DNAH14: variants seen among roughly 807,000 people sequenced by gnomAD.
DNAH14 encodes the protein axonemal beta dynein heavy chain 14.
Under a neutral mutation model 520.9 loss-of-function variants are expected in DNAH14, and 478 were observed. That is an observed-to-expected ratio of 0.92 (90% CI 0.85 to 0.99). The LOEUF is 0.99. Among genes scored for constraint, DNAH14 ranks in the 50% least tolerant of loss-of-function variants. The pLI, the probability that DNAH14 is intolerant of heterozygous loss-of-function variation, is 0.00. For synonymous variants in DNAH14, 1,581 were observed against 1,757.2 expected, an observed-to-expected ratio of 0.90 and a Z score of 2.51; for missense variants, 4,831 against 5,234.5, an observed-to-expected ratio of 0.92 and a Z score of 2.38.
intron 66 of DNAH14, among the ~76,000 whole-genome samples, chr1:225,333,795 C>T (rs1469923764): frequency 6.6e-6 from 1 of 152,114 alleles, no homozygotes; most frequent in Non-Finnish European, 1.5e-5. Flanking sequence ...CTCCCTGAAA[C>T]CTCTTTCATT....
chr1:225,324,802 A>T lies in DNAH14; in HGVS notation c.9693A>T (p.Arg3231Ser), dbSNP rs1461885194. The change falls in exon 64 of 86, where the codon AGA becomes AGT. Residue 3231 changes from arginine to serine, a missense_variant. Coordinates refer to ENST00000682510, the MANE Select transcript of DNAH14 (RefSeq NM_001367479.1). ...AQNVLKIARQ[R>S]LAEKQRGLQL... ...ACGTCCTTAAAATTGCGCGACAAAGACTTGCTGAGAAACAAAGAGGTTTAC... is the reference window on the plus strand; with the variant it reads ...ACGTCCTTAAAATTGCGCGACAAAGTCTTGCTGAGAAACAAAGAGGTTTAC... 7.1e-6 allele frequency: 11 copies of T among 1,551,442 alleles called. No individual in the cohort carries two copies. Among genetic ancestry groups the T allele is most frequent in the Non-Finnish European group, 6.1e-6 (7 of 1,146,936 alleles).
In DNAH14 at chr1:225,205,537, T is replaced by C. The variant is rs1288734221; in HGVS notation, c.5978-434T>C. 2.6e-5 allele frequency among the ~76,000 whole-genome samples: 4 copies of C among 152,180 alleles called. No individual in the cohort carries two copies. In the South Asian group the frequency reaches 8.3e-4, roughly 31 times the overall value. ...AACACCCTGTGGAAAGAGGAGTAAA[T>C]GGGTTCCAAATATAGTATACTTTAA... On this transcript the variant is annotated intron_variant, in intron 39 of 85. Coordinates refer to ENST00000682510, the MANE Select transcript of DNAH14 (RefSeq NM_001367479.1).
At chr1:224,987,661 C>T (rs562509675) in intron 8 of DNAH14, among the ~76,000 whole-genome samples, 1 of 152,286 alleles carries the variant, frequency 6.6e-6, no homozygotes, top group East Asian at 1.9e-4. Context: ...GAGTCTTGCA[C>T]TGTCACCCGG....
At chr1:225,287,759 A>T (rs1204570240) in intron 54 of DNAH14, among the ~76,000 whole-genome samples, 1 of 152,130 alleles carries the variant, frequency 6.6e-6, no homozygotes, top group Non-Finnish European at 1.5e-5. Flanking sequence ...TAGGACTGGG[A>T]CAGGAAATAT....
At chr1:225,349,935 A>G (rs565118427) in intron 71 of DNAH14, among the ~76,000 whole-genome samples, 1 of 152,288 alleles carries the variant, frequency 6.6e-6, no homozygotes, top group Admixed American at 6.5e-5. Flanking sequence ...GCACAACACT[A>G]TAGATCAACT....
intron 8 of DNAH14, among the ~76,000 whole-genome samples, chr1:224,992,439 A>T (rs1280797500): frequency 4.6e-5 from 7 of 152,024 alleles, no homozygotes; most frequent in Non-Finnish European, 1.5e-5. Flanking sequence ...CACCTCATTG[A>T]TTAAATTTAT....
At chr1:225,129,690 C>T (rs374511143) in intron 27 of DNAH14, among the ~76,000 whole-genome samples, 74 of 151,430 alleles carry the variant, frequency 4.9e-4, no homozygotes, top group East Asian at 3.9e-3. Context: ...AAGACTTAAA[C>T]GTTAGACCTA....
At chr1:225,129,955 C>T (rs2078206750) in intron 27 of DNAH14, among the ~76,000 whole-genome samples, 2 of 152,230 alleles carry the variant, frequency 1.3e-5, no homozygotes, top group East Asian at 1.9e-4. Context: ...CTACAATGAA[C>T]TCAAACAAAT....
chr1:224,991,219 C>A (rs1399240871), intron 8 of DNAH14, among the ~76,000 whole-genome samples: 1 of 149,182 alleles, frequency 6.7e-6, no homozygotes, highest in Admixed American at 6.7e-5. Context: ...CTCAGCCTCC[C>A]AAGTAGCAGG....
intron 60 of DNAH14, among the ~76,000 whole-genome samples, chr1:225,316,914 A>G (rs1292575523): frequency 1.3e-5 from 2 of 152,218 alleles, no homozygotes; most frequent in African/African-American, 4.8e-5. Flanking sequence ...TTTCCTAAAA[A>G]ATCTTTGGCA....
Position 225,245,871 on chromosome 1 carries a change from T to G in DNAH14, c.6748+5049T>G, listed in dbSNP as rs1574265664. Among the ~76,000 whole-genome samples the G allele has an allele frequency of 2.0e-5, 3 of 152,174 alleles. No homozygotes were observed. In the East Asian group the frequency reaches 5.8e-4, roughly 29 times the overall value. On this transcript the variant is annotated intron_variant, in intron 43 of 85. Transcript: ENST00000682510. ...CTTTCTTCACAGAATTAGGAAAAAC[T>G]ACTTTAAATTTCATATGGAACCAAA... is the stretch of plus-strand genomic sequence containing the variant.
At position 225,367,988 on chromosome 1, in the gene DNAH14, T is replaced by C. The variant is rs1386491703; in HGVS notation, c.12274T>C (p.Leu4092=). The C allele has an allele frequency of 6.4e-7, 1 of 1,550,824 alleles. No homozygotes were observed. Among genetic ancestry groups the C allele is most frequent in the East Asian group, 2.4e-5 (1 of 40,930 alleles). ...CAATGAAAGAAAAAATTACGGAATA[T>C]TGGGCTGGAATATTGCTTATAAATT... ...VINERKNYGI[L]GWNIAYKFNS... The change falls in exon 77 of 86, where the codon TTG becomes CTG. Residue 4092 remains leucine, a synonymous_variant. Coordinates refer to ENST00000682510, the MANE Select transcript of DNAH14 (RefSeq NM_001367479.1).
intron 8 of DNAH14, among the ~76,000 whole-genome samples, chr1:224,975,500 T>G (rs927631426): frequency 6.6e-6 from 1 of 152,118 alleles, no homozygotes; most frequent in African/African-American, 2.4e-5. Context: ...CTAGATTTTC[T>G]AGTTTATTTG....
In DNAH14 at chr1:224,947,538, T is replaced by G. The variant is rs768908188; in HGVS notation, c.-33-5132T>G. Among the ~76,000 whole-genome samples, 5 of 152,268 alleles carry G rather than the reference T, an allele frequency of 3.3e-5. No individual in the cohort carries two copies. In the South Asian group the frequency reaches 1.0e-3, roughly 32 times the overall value. On this transcript the variant is annotated intron_variant, in intron 1 of 85. Transcript: ENST00000682510. ...ATTTTGCTCTTTTGATCCTCTTGAT[T>G]GAGGTTTATTTTCTATTTTTAAACA...
chr1:225,105,308 A>G (rs1250047404), intron 23 of DNAH14, among the ~76,000 whole-genome samples: 2 of 152,104 alleles, frequency 1.3e-5, no homozygotes, highest in East Asian at 1.9e-4. Context: ...ACTTCCAACT[A>G]TGTGGTCAAT....
At chr1:225,030,476 A>T (rs1054325465) in intron 11 of DNAH14, among the ~76,000 whole-genome samples, 1 of 151,758 alleles carries the variant, frequency 6.6e-6, no homozygotes, top group Non-Finnish European at 1.5e-5. Context: ...AGCATGATGA[A>T]TTTTTCCAAT....
At chr1:225,152,188 TC>T in intron 32 of DNAH14, 115 bp downstream of exon 32, 1 of 849,546 alleles carries the variant, frequency 1.2e-6, no homozygotes, top group Non-Finnish European at 1.8e-6. Context: ...GTCTCCACCA[TC>T]CTCTGAACAC....
chr1:225,130,234 G>A (rs905858204), intron 27 of DNAH14, among the ~76,000 whole-genome samples: 25 of 152,278 alleles, frequency 1.6e-4, no homozygotes, highest in African/African-American at 5.8e-4. Flanking sequence ...CTGTAAACTA[G>A]TTCAATCATT....
Position 225,307,476 on chromosome 1 carries a change from G to A in DNAH14, c.9021G>A (p.Met3007Ile). 6.5e-7 allele frequency: 1 copy of A among 1,542,580 alleles called. No individual in the cohort carries two copies. The highest frequency in any genetic ancestry group is 1.7e-4 in the Middle Eastern group (1 of 5,964). The change falls in exon 59 of 86, where the codon ATG (methionine) becomes ATA (isoleucine). Residue 3007 changes from methionine to isoleucine, a missense_variant. Transcript: ENST00000682510. ...EMQTKRDRFHMGLSTILEATT... is the reference protein window; with the variant it reads ...EMQTKRDRFHIGLSTILEATT... Reference sequence around the variant, plus strand: ...CTTCCTTCAGGGATCGCTTCCATATGGGTCTATCCACAATCCTGGAAGCAA... The same window carrying A: ...CTTCCTTCAGGGATCGCTTCCATATAGGTCTATCCACAATCCTGGAAGCAA...
Sources: allele counts gnomAD v4.1 joint callset (sites outside exome capture counted in the v4.1 genomes callset), GRCh38; gene constraint gnomAD v4.1.1; transcripts MANE v1.5; gene names NCBI Gene and HGNC (gene_info 2026-07-23, HGNC 2026-07-21).